HTRA1: variants seen among roughly 807,000 people sequenced by gnomAD.
HTRA1 encodes the protein serine protease HTRA1.
A neutral mutation model predicts 49.7 loss-of-function variants in HTRA1; 26 were observed. The ratio of observed to expected loss-of-function variants is 0.52; its 90% CI spans 0.38 to 0.73. The LOEUF is 0.73. HTRA1 is among the 30% of genes least tolerant of loss of function. The probability of loss-of-function intolerance (pLI) is 0.00; values close to 1 mark genes in which losing one functional copy is unlikely to be tolerated. For missense variants in HTRA1, 561 were observed against 667.2 expected (o/e 0.84, Z 1.75); for synonymous variants, 291 against 286.9 (o/e 1.01, Z -0.14).
intron 1 of HTRA1, 32 bp from the exon 2 acceptor site, chr10:122,488,870 A>G: frequency 3.2e-6 from 5 of 1,542,232 alleles, no homozygotes; most frequent in Non-Finnish European, 4.5e-6. Context: ...GCAGAGTGTC[A>G]TTAAGTATCT....
intron 1 of HTRA1, among the ~76,000 whole-genome samples, chr10:122,483,122 T>C (rs886548861): frequency 6.6e-6 from 1 of 151,656 alleles, no homozygotes; most frequent in Non-Finnish European, 1.5e-5. Flanking sequence ...TGGAGAATAA[T>C]GACTGAAGCT....
chr10:122,508,901 C>A, intron 6 of HTRA1, 131 bp downstream of exon 6: 1 of 676,726 alleles, frequency 1.5e-6, no homozygotes, highest in Non-Finnish European at 2.7e-6. Context: ...CAGAAGTGAA[C>A]GGGAATGCAC....
intron 3 of HTRA1, among the ~76,000 whole-genome samples, chr10:122,495,354 G>T (rs542696401): frequency 6.6e-6 from 1 of 152,182 alleles, no homozygotes; most frequent in South Asian, 2.1e-4. Context: ...CGGTGTTGAC[G>T]TTATGAGGCT....
intron 1 of HTRA1, among the ~76,000 whole-genome samples, chr10:122,472,718 G>A (rs2097486689): frequency 6.6e-6 from 1 of 152,108 alleles, no homozygotes; most frequent in Non-Finnish European, 1.5e-5. Context: ...TCTGTCCCAA[G>A]TGTTGCCACC....
chr10:122,470,181 C>T (rs1462870912), intron 1 of HTRA1, among the ~76,000 whole-genome samples: 2 of 152,182 alleles, frequency 1.3e-5, no homozygotes, highest in East Asian at 1.9e-4. Context: ...GTTGACGTCT[C>T]CTGAGTCTAT....
At chr10:122,504,462 A>G (rs77347911) in intron 3 of HTRA1, among the ~76,000 whole-genome samples, 1,945 of 152,250 alleles carry the variant, frequency 0.013, 40 homozygotes, top group African/African-American at 0.044. Flanking sequence ...GTGGTGAAGC[A>G]GACGCCTGCT....
At chr10:122,473,580 CTTTA>C (rs2097487122) in intron 1 of HTRA1, among the ~76,000 whole-genome samples, 1 of 152,118 alleles carries the variant, frequency 6.6e-6, no homozygotes, top group Non-Finnish European at 1.5e-5. Context: ...TTTAAAACAG[CTTTA>C]TTGAGAGATA....
chr10:122,476,972 T>TC (rs1259710054), intron 1 of HTRA1, among the ~76,000 whole-genome samples: 1 of 149,320 alleles, frequency 6.7e-6, no homozygotes, highest in Non-Finnish European at 1.5e-5. Flanking sequence ...TACTTTTTTT[T>TC]TTTTTTTTTT....
rs1383826108 is a variant in HTRA1, at chr10:122,494,071, CCCT to C, written c.777+4447_777+4449del. On this transcript the variant is annotated intron_variant, in intron 3 of 8. Transcript: ENST00000368984. The surrounding 1 kb of genome is among the most constrained non-coding windows in gnomAD (Gnocchi z 4.0). ...TGAGGTAGCGCCCCATGCCCCAGTC[CCCT>C]CAACTCCACTGCCTCACTTTGGGGA... 6.6e-6 allele frequency among the ~76,000 whole-genome samples: 1 copy of C among 152,158 alleles called. No homozygotes were observed. The highest frequency in any genetic ancestry group is 1.5e-5 in the Non-Finnish European group (1 of 68,046).
At chr10:122,493,834 C>A (rs2097497103) in intron 3 of HTRA1, among the ~76,000 whole-genome samples, 1 of 151,696 alleles carries the variant, frequency 6.6e-6, no homozygotes, top group South Asian at 2.1e-4. Flanking sequence ...GCCCCTCCTC[C>A]CCTTCCCCTC....
chr10:122,499,709 T>C (rs2097500151), intron 3 of HTRA1, among the ~76,000 whole-genome samples: 1 of 152,260 alleles, frequency 6.6e-6, no homozygotes, highest in Non-Finnish European at 1.5e-5. Flanking sequence ...GCAAGTTCTA[T>C]AGCACTGTTT....
chr10:122,498,488 A>G (rs2097499643), intron 3 of HTRA1, among the ~76,000 whole-genome samples: 1 of 152,092 alleles, frequency 6.6e-6, no homozygotes, highest in Admixed American at 6.6e-5. Context: ...CTAAATCCCA[A>G]GCTTCTCACT....
intron 7 of HTRA1, among the ~76,000 whole-genome samples, chr10:122,511,212 A>C (rs2097505428): frequency 6.6e-6 from 1 of 152,162 alleles, no homozygotes; most frequent in Middle Eastern, 3.2e-3. Context: ...TATCACACGT[A>C]CTGGGCCAGG....
intron 6 of HTRA1, among the ~76,000 whole-genome samples, chr10:122,509,402 G>T (rs1249499573): frequency 6.6e-6 from 1 of 152,222 alleles, no homozygotes; most frequent in African/African-American, 2.4e-5. Flanking sequence ...GCTGAGGTCT[G>T]AGTGAGGAGG....
At chr10:122,509,506 A>C (rs1591041274) in intron 6 of HTRA1, among the ~76,000 whole-genome samples, 2 of 152,316 alleles carry the variant, frequency 1.3e-5, no homozygotes, top group East Asian at 3.9e-4. Context: ...AAGTGGCCTG[A>C]GGGCCGGAGC....
chr10:122,497,363 T>C (rs1441298016), intron 3 of HTRA1, among the ~76,000 whole-genome samples: 1 of 152,248 alleles, frequency 6.6e-6, no homozygotes, highest in African/African-American at 2.4e-5. Context: ...AGGTTATACA[T>C]GTTTTAAACA....
chr10:122,489,013 C>T lies in HTRA1; in HGVS notation c.572+12C>T, dbSNP rs757778429. 24 of 1,594,460 alleles carry T rather than the reference C, an allele frequency of 1.5e-5. No homozygotes were observed. The South Asian group carries it at 2.3e-4, about 15-fold the overall frequency. ...GAATTGTTTCGCAAGTAAAGAGAGC[C>T]TTCCTTTTTCCTATAACCTCCGAAG... On this transcript the variant is annotated intron_variant, in intron 2 of 8. Coordinates refer to ENST00000368984, the MANE Select transcript of HTRA1 (RefSeq NM_002775.5).
intron 3 of HTRA1, among the ~76,000 whole-genome samples, chr10:122,502,727 T>A (rs2097501455): frequency 6.6e-6 from 1 of 152,184 alleles, no homozygotes; most frequent in Non-Finnish European, 1.5e-5. Flanking sequence ...TGTGCTGGGC[T>A]CACTGCAGAA....
chr10:122,507,343 AACC>A (rs1230792476), intron 4 of HTRA1, 24 bp from the exon 5 acceptor site: 1 of 1,603,196 alleles, frequency 6.2e-7, no homozygotes, highest in Non-Finnish European at 8.5e-7. Context: ...CACGATTTGT[AACC>A]TTTTCATTTC....
Sources: gnomAD v4.1 joint callset for allele counts (sites outside exome capture counted in the v4.1 genomes callset) on GRCh38, gnomAD v4.1.1 for gene constraint, Gnocchi (gnomAD v3.1) non-coding constraint, MANE v1.5 for transcripts, NCBI Gene and HGNC (gene_info 2026-07-23, HGNC 2026-07-21) for gene names.